The following PLEKHA3 variants were observed in gnomAD, a reference collection of about 807,000 sequenced individuals.
PLEKHA3 encodes the protein pleckstrin homology domain-containing family A member 3.
Under a neutral mutation model 39.2 loss-of-function variants are expected in PLEKHA3, and 19 were observed. The ratio of observed to expected loss-of-function variants is 0.48; its 90% CI spans 0.34 to 0.71. The LOEUF (loss-of-function observed/expected upper bound fraction) is 0.71. Among genes scored for constraint, PLEKHA3 ranks in the 30% least tolerant of loss-of-function variants. The pLI is 0.01. For synonymous variants in PLEKHA3, 97 were observed against 118.6 expected (o/e 0.82, Z 1.18); for missense variants, 253 against 359.5 (o/e 0.70, Z 2.40).
rs912271358 is a variant in PLEKHA3, at chr2:178,505,795, A to G, written c.*1908A>G. ...TTTCTGTGAATATTTTAAAAATACAATGCAATTATTTCTGGTTTGTATCAT... is the reference window on the plus strand; with the variant it reads ...TTTCTGTGAATATTTTAAAAATACAGTGCAATTATTTCTGGTTTGTATCAT... On this transcript the variant is annotated 3_prime_UTR_variant, in exon 8 of 8. Transcript: ENST00000234453. 6.6e-6 allele frequency: 1 copy of G among 152,044 alleles called. No homozygotes were observed. The highest frequency in any genetic ancestry group is 1.5e-5 in the Non-Finnish European group (1 of 67,970). The allele number at this position is 152,044 out of a possible 1,614,324, so 9.4% of individuals were successfully genotyped here. A position where few individuals can be genotyped will look rare whatever the true frequency, so the allele number is the denominator to read the frequency against.
intron 4 of PLEKHA3, 106 bp downstream of exon 4, chr2:178,494,095 C>A: frequency 7.4e-7 from 1 of 1,347,446 alleles, no homozygotes; most frequent in Non-Finnish European, 1.0e-6. Flanking sequence ...GAGTTATTTT[C>A]AGCTTTTCTG....
At chr2:178,498,029 C>G (rs1559385239) in intron 5 of PLEKHA3, among the ~76,000 whole-genome samples, 1 of 151,708 alleles carries the variant, frequency 6.6e-6, no homozygotes, top group Non-Finnish European at 1.5e-5. Flanking sequence ...TTGAGTATTC[C>G]AAAACAATTT....
In PLEKHA3 at chr2:178,516,376, G is replaced by A. The variant is rs1221479126; in HGVS notation, c.*12489G>A. 1.3e-5 allele frequency: 2 copies of A among 151,944 alleles called. No homozygotes were observed. Among genetic ancestry groups the A allele is most frequent in the South Asian group, 2.1e-4 (1 of 4,830 alleles). The allele number at this position is 151,944 out of a possible 1,614,324, so 9.4% of individuals were successfully genotyped here. On this transcript the variant is annotated 3_prime_UTR_variant, in exon 8 of 8. Coordinates refer to ENST00000234453, the MANE Select transcript of PLEKHA3 (RefSeq NM_019091.4). The stretch of plus-strand genomic sequence containing the variant: ...TTTTCTTTTCCAAATTCCAAAAGGT[G>A]TATACTCTATATTTTTGTCATAAAA...
rs755319734 is a variant in PLEKHA3 at position 178,503,847 on chromosome 2, A to C, written c.863A>C (p.Gln288Pro). The C allele has an allele frequency of 1.2e-6, 2 of 1,611,880 alleles. No homozygotes were observed. Among genetic ancestry groups the C allele is most frequent in the Non-Finnish European group, 1.7e-6 (2 of 1,178,318 alleles). The part of the protein sequence containing the change: ...PEESRLMAKK[Q>P]SESEDTLPSF... ...GAAAGCAGACTTATGGCCAAAAAAC[A>C]ATCTGAATCAGAAGATACTCTTCCA... is the stretch of plus-strand genomic sequence containing the variant. Residue 288 changes from glutamine to proline, a missense_variant, in exon 8 of 8, where the codon CAA (glutamine) becomes CCA (proline). This residue lies in a region of PLEKHA3 where 127 missense variants were observed against 136.8 expected (regional missense o/e 0.93). Transcript: ENST00000234453.
chr2:178,488,298 GA>G (rs1421076225), intron 2 of PLEKHA3, among the ~76,000 whole-genome samples: 1 of 152,194 alleles, frequency 6.6e-6, no homozygotes, highest in Non-Finnish European at 1.5e-5. Flanking sequence ...TTTTGTTCAT[GA>G]TACCTTTTGA....
intron 3 of PLEKHA3, among the ~76,000 whole-genome samples, 200 bp downstream of exon 3, chr2:178,491,014 T>C (rs561038427): frequency 4.0e-4 from 60 of 149,002 alleles, no homozygotes; most frequent in East Asian, 1.9e-3. Flanking sequence ...TTCTTTCTTT[T>C]TTTTTTTTTT....
In PLEKHA3 at chr2:178,503,924, A is replaced by T. The variant is rs1006204565; in HGVS notation, c.*37A>T. 3 of 1,606,202 alleles carry T rather than the reference A, an allele frequency of 1.9e-6. No homozygotes were observed. The highest frequency in any genetic ancestry group is 2.6e-6 in the Non-Finnish European group (3 of 1,174,564). ...TGTCCAACTTCCTCTAAGTATTGCT[A>T]TGCAAAAGCTGCTGTAATTAAACTA... is the stretch of plus-strand genomic sequence containing the variant. On this transcript the variant is annotated 3_prime_UTR_variant, in exon 8 of 8. Coordinates refer to ENST00000234453, the MANE Select transcript of PLEKHA3 (RefSeq NM_019091.4).
At position 178,490,788 on chromosome 2, in the gene PLEKHA3, C is replaced by T; in HGVS notation, c.287C>T (p.Thr96Ile). The change falls in exon 3 of 8, where the codon ACT becomes ATT. Residue 96 changes from threonine (T) to isoleucine (I), a missense_variant. Around this residue, in one of 2 missense-constraint regions of PLEKHA3, gnomAD observed 126 missense variants for 222.7 expected, o/e 0.57. Transcript: ENST00000234453. ...CTGGGGAGCTCCAAAGCATGTTTGA[C>T]TGATACAAGGACTAAAAAAGAAAAA... Reference protein sequence around the residue: ...VALGSSKACLTDTRTKKEKEI... With the variant: ...VALGSSKACLIDTRTKKEKEI... 3 of 1,613,690 alleles carry T rather than the reference C, an allele frequency of 1.9e-6. No homozygotes were observed. Among genetic ancestry groups the T allele is most frequent in the Non-Finnish European group, 2.5e-6 (3 of 1,179,812 alleles).
chr2:178,485,452 C>T (rs1199563006), intron 1 of PLEKHA3, among the ~76,000 whole-genome samples, 189 bp from the exon 2 acceptor site: 1 of 152,198 alleles, frequency 6.6e-6, no homozygotes, highest in African/African-American at 2.4e-5. Flanking sequence ...GCTCCAGAAA[C>T]CTCTCCCAAT....
chr2:178,512,120 C>G lies in PLEKHA3; in HGVS notation c.*8233C>G, dbSNP rs763409013. ...TAGAATGATGAATATCTTATTGTAT[C>G]CTGAAACATTAAGCCTTTAAGTTAT... On this transcript the variant is annotated 3_prime_UTR_variant, in exon 8 of 8. Coordinates refer to ENST00000234453, the MANE Select transcript of PLEKHA3 (RefSeq NM_019091.4). 2 of 152,156 alleles carry G rather than the reference C, an allele frequency of 1.3e-5. No homozygotes were observed. The highest frequency in any genetic ancestry group is 4.8e-5 in the African/African-American group (2 of 41,430). 9.4% of individuals were successfully genotyped at this position (152,156 alleles called of 1,614,324 possible).
chr2:178,487,650 A>G (rs571747126), intron 2 of PLEKHA3, among the ~76,000 whole-genome samples: 31 of 151,934 alleles, frequency 2.0e-4, no homozygotes, highest in Non-Finnish European at 3.8e-4. Flanking sequence ...TGTTGCAAAA[A>G]CCAGGCTGGT....
In PLEKHA3 at chr2:178,508,146, T is replaced by C. The variant is rs1199732188; in HGVS notation, c.*4259T>C. 6.5e-6 allele frequency: 1 copy of C among 153,452 alleles called. No individual in the cohort carries two copies. Among genetic ancestry groups the C allele is most frequent in the Non-Finnish European group, 1.5e-5 (1 of 67,978 alleles). 9.5% of individuals were successfully genotyped at this position (153,452 alleles called of 1,614,324 possible). A position where few individuals can be genotyped will look rare whatever the true frequency, so the allele number is the denominator to read the frequency against. The stretch of plus-strand genomic sequence containing the variant: ...CTTTGTTCTATCTTTCTAGAATTTC[T>C]GTTATTTGAATGTTGGACCTCCCAG... On this transcript the variant is annotated 3_prime_UTR_variant, in exon 8 of 8. Coordinates refer to ENST00000234453, the MANE Select transcript of PLEKHA3 (RefSeq NM_019091.4).
chr2:178,497,084 C>T (rs1295457884), intron 5 of PLEKHA3, among the ~76,000 whole-genome samples: 2 of 152,014 alleles, frequency 1.3e-5, no homozygotes, highest in Non-Finnish European at 2.9e-5. Flanking sequence ...CCATGCCCAG[C>T]CGTCACACCC....
At chr2:178,500,862 G>A (rs1685519984) in intron 6 of PLEKHA3, among the ~76,000 whole-genome samples, 199 bp from the exon 7 acceptor site, 1 of 152,012 alleles carries the variant, frequency 6.6e-6, no homozygotes, top group African/African-American at 2.4e-5. Flanking sequence ...CAGCTCAGAA[G>A]CCATATTCTC....
At chr2:178,499,316 TG>T in intron 6 of PLEKHA3, 62 bp downstream of exon 6, 1 of 1,536,024 alleles carries the variant, frequency 6.5e-7, no homozygotes, top group Non-Finnish European at 8.9e-7. Context: ...GGAAGTTCTT[TG>T]GGCCTTTAAC....
At position 178,495,460 on chromosome 2, in the gene PLEKHA3, A is replaced by T. The variant is rs770250944; in HGVS notation, c.451-36A>T. ...GTTGTATATGATTCCATGTAGTTGTATGCAAATCTGTTCAAGTCTTTGTGT... is the reference window on the plus strand; with the variant it reads ...GTTGTATATGATTCCATGTAGTTGTTTGCAAATCTGTTCAAGTCTTTGTGT... On this transcript the variant is annotated intron_variant, in intron 4 of 7. Transcript: ENST00000234453. 6 of 1,605,000 alleles carry T rather than the reference A, an allele frequency of 3.7e-6. No individual in the cohort carries two copies. In the Admixed American group the frequency reaches 1.0e-4, roughly 27 times the overall value.
Position 178,505,594 on chromosome 2 carries a change from C to A in PLEKHA3, c.*1707C>A, listed in dbSNP as rs1685592312. The A allele has an allele frequency of 6.8e-6, 1 of 148,134 alleles. No homozygotes were observed. 9.2% of individuals were successfully genotyped at this position (148,134 alleles called of 1,614,324 possible). Reference sequence around the variant, plus strand: ...TTTTAAATTTTGTAGTAAGAACTTGCACAGTATTAAGACCATGAAGGTCAG... The same window carrying A: ...TTTTAAATTTTGTAGTAAGAACTTGAACAGTATTAAGACCATGAAGGTCAG... On this transcript the variant is annotated 3_prime_UTR_variant, in exon 8 of 8. Coordinates refer to ENST00000234453, the MANE Select transcript of PLEKHA3 (RefSeq NM_019091.4).
Position 178,513,778 on chromosome 2 carries a change from A to G in PLEKHA3, c.*9891A>G, listed in dbSNP as rs1443971263. On this transcript the variant is annotated 3_prime_UTR_variant, in exon 8 of 8. Transcript: ENST00000234453. ...TTTTTGTTTGACAACAATCAAAAGT[A>G]TGGCCTACAGATAGTAAGGGTTAAC... The G allele has an allele frequency of 3.9e-5, 6 of 152,020 alleles. No individual in the cohort carries two copies. Among genetic ancestry groups the G allele is most frequent in the Non-Finnish European group, 8.8e-5 (6 of 68,000 alleles). The allele number at this position is 152,020 out of a possible 1,614,324, so 9.4% of individuals were successfully genotyped here.
rs568323302 is a variant in PLEKHA3, at chr2:178,514,909, AG to A, written c.*11024del. The A allele has an allele frequency of 1.3e-5, 2 of 152,142 alleles. No homozygotes were observed. The highest frequency in any genetic ancestry group is 2.9e-5 in the Non-Finnish European group (2 of 68,042). The allele number at this position is 152,142 out of a possible 1,614,324, so 9.4% of individuals were successfully genotyped here. On this transcript the variant is annotated 3_prime_UTR_variant, in exon 8 of 8. Coordinates refer to ENST00000234453, the MANE Select transcript of PLEKHA3 (RefSeq NM_019091.4). ...CTAGGCCATGACCTTTGAGGGGAAA[AG>A]GCACAGATTGCAACTTTTCTTTCCT...
Sources: allele counts gnomAD v4.1 joint callset (sites outside exome capture counted in the v4.1 genomes callset), GRCh38; gene constraint gnomAD v4.1.1; regional missense constraint gnomAD v4.1.1; transcripts MANE v1.5; gene names NCBI Gene and HGNC (gene_info 2026-07-23, HGNC 2026-07-21).